Variants in SRPX observed in about 807,000 individuals in gnomAD.
SRPX encodes sushi repeat containing protein X-linked.
Under a neutral mutation model 38.1 loss-of-function variants are expected in SRPX, and 24 were observed. That is an observed-to-expected ratio of 0.63 (90% CI 0.46 to 0.89). SRPX has a LOEUF of 0.89. SRPX is among the 40% of genes least tolerant of loss of function. The pLI, the probability that SRPX is intolerant of heterozygous loss-of-function variation, is 0.00. For synonymous variants in SRPX, 184 were observed against 153.8 expected (o/e 1.20, Z -1.45); for missense variants, 416 against 377.8 (o/e 1.10, Z -0.84).
intron 7 of SRPX, among the ~76,000 whole-genome samples, chrX:38,157,408 G>GCCA (rs1938154465): frequency 9.0e-6 from 1 of 111,055 alleles, no homozygotes; most frequent in Non-Finnish European, 1.9e-5. Context: ...GCATCGAGAG[G>GCCA]CCACATTCAT....
intron 1 of SRPX, among the ~76,000 whole-genome samples, chrX:38,195,483 C>A (rs1317722516): frequency 3.8e-5 from 4 of 105,357 alleles, no homozygotes; most frequent in Admixed American, 1.0e-4. Flanking sequence ...ATTAAAATAT[C>A]TTTGATGCAA....
intron 1 of SRPX, among the ~76,000 whole-genome samples, chrX:38,204,073 T>C (rs1300055086): frequency 8.9e-6 from 1 of 112,316 alleles, no homozygotes; most frequent in Non-Finnish European, 1.9e-5. Flanking sequence ...AAAAAATGTT[T>C]GTGAAAGAAA....
intron 1 of SRPX, among the ~76,000 whole-genome samples, chrX:38,202,459 T>G (rs962033902): frequency 9.0e-6 from 1 of 111,409 alleles, no homozygotes; most frequent in Non-Finnish European, 1.9e-5. Flanking sequence ...TACCTTAAGC[T>G]TCCACTTTAA....
intron 1 of SRPX, among the ~76,000 whole-genome samples, chrX:38,211,284 T>G (rs1939315183): frequency 8.9e-6 from 1 of 112,524 alleles, no homozygotes; most frequent in African/African-American, 3.2e-5. Flanking sequence ...GGACTTTGTT[T>G]GCAGACCTTC....
chrX:38,198,411 G>A lies in SRPX; in HGVS notation c.98-20067C>T, dbSNP rs534204065. Among the ~76,000 whole-genome samples, 50 of 112,313 alleles carry A rather than the reference G, an allele frequency of 4.5e-4. No individual in the cohort carries two copies. In the South Asian group the frequency reaches 0.017, roughly 39 times the overall value. ...TCAATTCAAAGAAAGAAAAACAGGAGGTTTCACTGCTGTCATTTAGAAAAT... is the reference window on the plus strand; with the variant it reads ...TCAATTCAAAGAAAGAAAAACAGGAAGTTTCACTGCTGTCATTTAGAAAAT... On this transcript the variant is annotated intron_variant, in intron 1 of 9. Coordinates refer to ENST00000378533, the MANE Select transcript of SRPX (RefSeq NM_006307.5).
intron 1 of SRPX, among the ~76,000 whole-genome samples, chrX:38,201,426 C>G (rs1939109870): frequency 9.0e-6 from 1 of 111,270 alleles, no homozygotes; most frequent in Non-Finnish European, 1.9e-5. Context: ...GGGTAAGATG[C>G]AGTAATCGTA....
intron 1 of SRPX, among the ~76,000 whole-genome samples, chrX:38,183,966 T>C (rs1268197364): frequency 2.7e-5 from 3 of 111,654 alleles, no homozygotes; most frequent in Non-Finnish European, 5.6e-5. Context: ...CACTCTTTTT[T>C]TTTCCAAAGT....
At chrX:38,199,707 G>A (rs1767807569) in intron 1 of SRPX, among the ~76,000 whole-genome samples, 1 of 107,835 alleles carries the variant, frequency 9.3e-6, no homozygotes, top group African/African-American at 3.4e-5. Flanking sequence ...GCGTGAGCAG[G>A]ATACAGATGA....
At chrX:38,210,729 A>T (rs1200655926) in intron 1 of SRPX, among the ~76,000 whole-genome samples, 3 of 112,541 alleles carry the variant, frequency 2.7e-5, no homozygotes, top group African/African-American at 9.7e-5. Context: ...AAACCTTGAG[A>T]ATGAGACACC....
intron 5 of SRPX, among the ~76,000 whole-genome samples, chrX:38,163,009 T>TG (rs199880654): frequency 0.022 from 2,424 of 112,129 alleles, 72 homozygotes; most frequent in African/African-American, 0.074. Context: ...TACTACGTGC[T>TG]GGGGCTGGGC....
chrX:38,193,361 A>C (rs1938941335), intron 1 of SRPX, among the ~76,000 whole-genome samples: 1 of 111,826 alleles, frequency 8.9e-6, no homozygotes, highest in Admixed American at 9.5e-5. Flanking sequence ...AGTCACATTC[A>C]AATTTTACAC....
intron 1 of SRPX, among the ~76,000 whole-genome samples, chrX:38,209,068 T>C (rs1446798015): frequency 9.2e-6 from 1 of 108,650 alleles, no homozygotes; most frequent in Non-Finnish European, 1.9e-5. Context: ...CTTGTTAAAG[T>C]ACATTCATCA....
intron 1 of SRPX, among the ~76,000 whole-genome samples, chrX:38,203,617 A>T (rs1335978225): frequency 1.8e-5 from 2 of 112,718 alleles, no homozygotes; most frequent in African/African-American, 6.5e-5. Context: ...CATCTCTACT[A>T]AAAATACAGA....
rs757158143 is a variant in SRPX at position 38,160,986 on chromosome X, A to G, written c.722T>C (p.Val241Ala). 4 of 1,210,601 alleles carry G rather than the reference A, an allele frequency of 3.3e-6. No individual in the cohort carries two copies. The Admixed American group carries it at 8.7e-5, about 26-fold the overall frequency. The change falls in exon 6 of 10, where the codon GTC becomes GCC. Residue 241 changes from valine to alanine, a missense_variant. By Grantham distance (64) the Val-to-Ala change is moderately conservative. Transcript: ENST00000378533. ...GCCCTTATTCTCAGCTCTGTCATAG[A>G]CTGTGTACTGGATCTTGTGGTCTCC... ...PEGDHKIQYT[V>A]YDRAENKGTC...
intron 1 of SRPX, among the ~76,000 whole-genome samples, chrX:38,199,631 T>C (rs1345166685): frequency 1.8e-5 from 2 of 109,924 alleles, no homozygotes; most frequent in Non-Finnish European, 3.8e-5. Flanking sequence ...AATTGGTATA[T>C]TCTATTAACT....
intron 1 of SRPX, among the ~76,000 whole-genome samples, chrX:38,179,564 G>A (rs1220747212): frequency 2.7e-5 from 3 of 111,724 alleles, no homozygotes; most frequent in Non-Finnish European, 3.8e-5. Context: ...CCTCCACTGT[G>A]AGGTTATTCA....
intron 1 of SRPX, among the ~76,000 whole-genome samples, chrX:38,185,279 C>T (rs1032800777): frequency 8.9e-6 from 1 of 111,770 alleles, no homozygotes; most frequent in Non-Finnish European, 1.9e-5. Context: ...GTCCAGCTTC[C>T]GTATATAAAT....
At chrX:38,205,846 A>T (rs1459940451) in intron 1 of SRPX, among the ~76,000 whole-genome samples, 3 of 112,206 alleles carry the variant, frequency 2.7e-5, no homozygotes, top group Non-Finnish European at 5.6e-5. Context: ...GAAGGCACCC[A>T]GCAAACATCC....
Position 38,204,261 on chromosome X carries a change from T to C in SRPX, c.97+16435A>G, listed in dbSNP as rs750152209. ...GATCCTAAAATTTATATGAAATTTA[T>C]AGCCAAAACAATTTTGGAAAGAAGA... On this transcript the variant is annotated intron_variant, in intron 1 of 9. Transcript: ENST00000378533. 2.7e-5 allele frequency among the ~76,000 whole-genome samples: 3 copies of C among 112,120 alleles called. 1 individual carries two copies. The South Asian group carries it at 1.1e-3, about 42-fold the overall frequency.
Sources: allele counts gnomAD v4.1 joint callset (sites outside exome capture counted in the v4.1 genomes callset), GRCh38; gene constraint gnomAD v4.1.1; transcripts MANE v1.5; gene names NCBI Gene and HGNC (gene_info 2026-07-23, HGNC 2026-07-21).